KSR2: variants seen among roughly 807,000 people sequenced by gnomAD.
KSR2 encodes kinase suppressor of ras 2.
KSR2 carries 25 observed loss-of-function variants against 107.8 expected under a neutral mutation model. The ratio of observed to expected loss-of-function variants is 0.23; its 90% CI spans 0.17 to 0.32. The LOEUF (loss-of-function observed/expected upper bound fraction) is 0.32. Among genes scored for constraint, KSR2 ranks in the 10% least tolerant of loss-of-function variants. KSR2 has a pLI of 1.00. For synonymous variants in KSR2, 480 were observed against 507.0 expected, an observed-to-expected ratio of 0.95 and a Z score of 0.71; for missense variants, 887 against 1,268.9, an observed-to-expected ratio of 0.70 and a Z score of 4.57.
chr12:117,649,467 A>G (rs780791748), intron 5 of KSR2, among the ~76,000 whole-genome samples: 6 of 152,202 alleles, frequency 3.9e-5, no homozygotes, highest in Admixed American at 1.3e-4. Flanking sequence ...AACAATCACA[A>G]CACTTAGGTA....
intron 1 of KSR2, among the ~76,000 whole-genome samples, chr12:117,917,629 G>T (rs1895221362): frequency 6.6e-6 from 1 of 152,190 alleles, no homozygotes; most frequent in Admixed American, 6.5e-5. Flanking sequence ...TGGGGGGTAG[G>T]GGGCTATGTG....
At chr12:117,662,542 G>A (rs1238800666) in intron 5 of KSR2, among the ~76,000 whole-genome samples, 2 of 152,198 alleles carry the variant, frequency 1.3e-5, no homozygotes, top group Non-Finnish European at 2.9e-5. Context: ...TTGTCCCCAG[G>A]ACAAAGAGCA....
rs116835290 is a variant in KSR2 at position 117,490,706 on chromosome 12, A to T, written c.2220-5015T>A. ...CCGCTGCACCCAGCCTAAATGGTGA[A>T]TATTCTAATTGAAGGTATCTTCAAT... On this transcript the variant is annotated intron_variant, in intron 14 of 19. Transcript: ENST00000339824. Among the ~76,000 whole-genome samples the T allele has an allele frequency of 9.5e-3, 1,446 of 152,242 alleles. 25 individuals are homozygous for T. Among genetic ancestry groups the T allele is most frequent in the South Asian group, 0.029 (140 of 4,826 alleles).
At chr12:117,475,999 A>C (rs1468337811) in intron 17 of KSR2, among the ~76,000 whole-genome samples, 3 of 152,222 alleles carry the variant, frequency 2.0e-5, no homozygotes, top group Non-Finnish European at 4.4e-5. Context: ...CCGCAGCCCT[A>C]GCCAATATCT....
At chr12:117,570,677 C>T (rs1017332258) in intron 7 of KSR2, among the ~76,000 whole-genome samples, 2 of 152,134 alleles carry the variant, frequency 1.3e-5, no homozygotes, top group Non-Finnish European at 2.9e-5. Context: ...TGCTGAACAA[C>T]GTATTTAAAG....
chr12:117,941,504 T>C (rs1202043895), intron 1 of KSR2, among the ~76,000 whole-genome samples: 1 of 152,044 alleles, frequency 6.6e-6, no homozygotes, highest in Non-Finnish European at 1.5e-5. Context: ...GATCAGTTGA[T>C]GCACAGATGT....
intron 14 of KSR2, among the ~76,000 whole-genome samples, chr12:117,513,735 G>C (rs1874182471): frequency 6.6e-6 from 1 of 152,236 alleles, no homozygotes; most frequent in African/African-American, 2.4e-5. Context: ...GAAAGGGAAA[G>C]AGGACGAGAG....
intron 1 of KSR2, among the ~76,000 whole-genome samples, chr12:117,941,705 C>T (rs1263578079): frequency 2.2e-5 from 3 of 137,614 alleles, no homozygotes; most frequent in Non-Finnish European, 4.6e-5. Context: ...TGGCTTACTG[C>T]AGCCTCCGCC....
At chr12:117,802,713 C>T (rs1890876211) in intron 3 of KSR2, among the ~76,000 whole-genome samples, 1 of 152,170 alleles carries the variant, frequency 6.6e-6, no homozygotes, top group African/African-American at 2.4e-5. Context: ...CCTTTCTTTC[C>T]CCACCCACCC....
chr12:117,758,916 C>T (rs1177008137), intron 4 of KSR2, among the ~76,000 whole-genome samples: 1 of 152,116 alleles, frequency 6.6e-6, no homozygotes, highest in Non-Finnish European at 1.5e-5. Context: ...TTCCACCCTC[C>T]ACCTTAGCAA....
At chr12:117,793,561 C>G (rs988481052) in intron 3 of KSR2, among the ~76,000 whole-genome samples, 1 of 146,408 alleles carries the variant, frequency 6.8e-6, no homozygotes, top group African/African-American at 2.6e-5. Flanking sequence ...ACACTCACAC[C>G]AACATGCACA....
chr12:117,695,149 G>T (rs190440821), intron 4 of KSR2, among the ~76,000 whole-genome samples: 11 of 152,000 alleles, frequency 7.2e-5, no homozygotes, highest in African/African-American at 2.4e-4. Flanking sequence ...ACACCTGGCC[G>T]TATGATTCTA....
chr12:117,467,821 A>G (rs1037449015), intron 19 of KSR2: 2 of 379,512 alleles, frequency 5.3e-6, no homozygotes, highest in African/African-American at 3.2e-5. Flanking sequence ...TTCAGTACAC[A>G]TAGGCTGAAT....
intron 3 of KSR2, among the ~76,000 whole-genome samples, chr12:117,795,393 T>C (rs530667459): frequency 2.6e-5 from 4 of 152,224 alleles, no homozygotes; most frequent in African/African-American, 9.6e-5. Context: ...GATGCCACCT[T>C]TTCACACGGA....
At chr12:117,627,165 C>T (rs1348993034) in intron 5 of KSR2, among the ~76,000 whole-genome samples, 1 of 151,966 alleles carries the variant, frequency 6.6e-6, no homozygotes, top group Non-Finnish European at 1.5e-5. Context: ...ATTTGCCAGT[C>T]TGTGTCTTTT....
At chr12:117,761,661 G>T in intron 3 of KSR2, 137 bp from the exon 4 acceptor site, 1 of 801,250 alleles carries the variant, frequency 1.2e-6, no homozygotes, top group Non-Finnish European at 2.1e-6. Flanking sequence ...CTATATACCT[G>T]TTACATCGTA....
chr12:117,605,586 C>G lies in KSR2; in HGVS notation c.1172-23227G>C, dbSNP rs569303992. Among the ~76,000 whole-genome samples, 54 of 152,226 alleles carry G rather than the reference C, an allele frequency of 3.5e-4. No homozygotes were observed. In the South Asian group the frequency reaches 6.2e-3, roughly 18 times the overall value. ...GACAGGCCCCAGTATGTGTTGTTCC[C>G]CTTCCTGTGTCCATGACCCAGCAAT... On this transcript the variant is annotated intron_variant, in intron 5 of 19. Transcript: ENST00000339824.
chr12:117,673,836 G>T (rs906902024), intron 4 of KSR2, among the ~76,000 whole-genome samples: 1 of 152,242 alleles, frequency 6.6e-6, no homozygotes, highest in Non-Finnish European at 1.5e-5. Flanking sequence ...TCACACAGAT[G>T]TCTCATCTGG....
chr12:117,920,151 G>T (rs576196604), intron 1 of KSR2, among the ~76,000 whole-genome samples: 1 of 152,256 alleles, frequency 6.6e-6, no homozygotes, highest in Admixed American at 6.5e-5. Context: ...CAGGCTAGAG[G>T]AGAGTGGCAC....
Sources: allele counts gnomAD v4.1 joint callset (sites outside exome capture counted in the v4.1 genomes callset), GRCh38; gene constraint gnomAD v4.1.1; transcripts MANE v1.5; gene names NCBI Gene and HGNC (gene_info 2026-07-23, HGNC 2026-07-21).